Variants in ZMIZ1 observed in about 807,000 individuals in gnomAD.
ZMIZ1 encodes zinc finger MIZ-type containing 1, also known as zinc finger MIZ domain-containing protein 1.
Under a neutral mutation model 113.9 loss-of-function variants are expected in ZMIZ1, and 17 were observed. The observed-to-expected ratio is 0.15, with a 90% confidence interval of 0.10 to 0.22. The LOEUF (loss-of-function observed/expected upper bound fraction) is 0.22. ZMIZ1 is among the 10% of genes least tolerant of loss of function. ZMIZ1 has a pLI of 1.00. For synonymous variants in ZMIZ1, 607 were observed against 603.1 expected, an observed-to-expected ratio of 1.01 and a Z score of -0.09; for missense variants, 1,059 against 1,477.8, an observed-to-expected ratio of 0.72 and a Z score of 4.65.
chr10:79,098,834 C>T (rs145254708), intron 1 of ZMIZ1, among the ~76,000 whole-genome samples: 113 of 152,270 alleles, frequency 7.4e-4, no homozygotes, highest in African/African-American at 2.6e-3. Flanking sequence ...GTGAGGTCAC[C>T]GTCATTAGCA....
At chr10:79,140,983 C>T (rs567134687) in intron 3 of ZMIZ1, among the ~76,000 whole-genome samples, 9 of 152,102 alleles carry the variant, frequency 5.9e-5, no homozygotes, top group East Asian at 1.9e-4. Context: ...GGTCTCACTT[C>T]GTTGTCCGGG....
chr10:79,186,928 C>T (rs1833943408), intron 4 of ZMIZ1, among the ~76,000 whole-genome samples: 1 of 152,362 alleles, frequency 6.6e-6, no homozygotes, highest in South Asian at 2.1e-4. Flanking sequence ...ACTGCCCCTG[C>T]TGGAGGCCAT....
intron 7 of ZMIZ1, among the ~76,000 whole-genome samples, chr10:79,263,171 G>A (rs1589516292): frequency 6.6e-6 from 1 of 152,268 alleles, no homozygotes; most frequent in South Asian, 2.1e-4. Context: ...ATGCGCTCCT[G>A]AGCTTACAAC....
intron 5 of ZMIZ1, among the ~76,000 whole-genome samples, chr10:79,204,079 C>T (rs568052397): frequency 4.8e-4 from 73 of 152,342 alleles, no homozygotes; most frequent in Non-Finnish European, 8.5e-4. Flanking sequence ...AAGTCAGCCT[C>T]GGCTGGCTGG....
intron 2 of ZMIZ1, among the ~76,000 whole-genome samples, chr10:79,137,826 TGG>T (rs58837494): frequency 1.5e-5 from 2 of 135,832 alleles, no homozygotes; most frequent in Admixed American, 7.4e-5. Context: ...GGCCCTCGGC[TGG>T]GGGGGGGGTG....
rs746314274 is a variant in ZMIZ1 at position 79,299,167 on chromosome 10, C to T, written c.1784C>T (p.Thr595Met). ...VSNHVFHLRP[T>M]VHQTLMWRSD... ...AACCATGTGTTCCACCTGCGGCCCA[C>T]GGTCCACCAGACGCTGATGTGGAGG... The change falls in exon 16 of 25, where the codon ACG becomes ATG. Residue 595 changes from threonine (T) to methionine (M), a missense_variant. Coordinates refer to ENST00000334512, the MANE Select transcript of ZMIZ1 (RefSeq NM_020338.4). 70 of 1,607,786 alleles carry T rather than the reference C, an allele frequency of 4.4e-5. No homozygotes were observed. Among genetic ancestry groups the T allele is most frequent in the South Asian group, 5.5e-5 (5 of 91,020 alleles).
intron 3 of ZMIZ1, among the ~76,000 whole-genome samples, chr10:79,157,935 T>C (rs1476092859): frequency 6.6e-6 from 1 of 152,028 alleles, no homozygotes; most frequent in Non-Finnish European, 1.5e-5. Flanking sequence ...AGCAGCTGTT[T>C]GGCACATCTG....
intron 3 of ZMIZ1, among the ~76,000 whole-genome samples, chr10:79,157,947 A>C (rs571631380): frequency 4.0e-5 from 6 of 150,848 alleles, no homozygotes; most frequent in Admixed American, 4.0e-4. Context: ...GCACATCTGT[A>C]AAATGACAGT....
intron 7 of ZMIZ1, among the ~76,000 whole-genome samples, chr10:79,262,590 A>G (rs1018187607): frequency 1.3e-5 from 2 of 152,378 alleles, no homozygotes; most frequent in Admixed American, 1.3e-4. Flanking sequence ...GAACCATTTC[A>G]TCAGGTAAAG....
At chr10:79,247,622 ACCCCC>A (rs1023972320) in intron 7 of ZMIZ1, among the ~76,000 whole-genome samples, 1 of 151,636 alleles carries the variant, frequency 6.6e-6, no homozygotes, top group Admixed American at 6.6e-5. Flanking sequence ...AACTGCTCCC[ACCCCC>A]CGTAGGGTGA....
rs1477611645 is a variant in ZMIZ1 at position 79,207,034 on chromosome 10, C to T, written c.61-1302C>T. The stretch of plus-strand genomic sequence containing the variant: ...TATCCCCATTTTACAGATGAGGCTA[C>T]TGAGGCTCAGGGAGCTGAGGGGACC... On this transcript the variant is annotated intron_variant, in intron 5 of 24. Transcript: ENST00000334512. Among the ~76,000 whole-genome samples, 4 of 152,236 alleles carry T rather than the reference C, an allele frequency of 2.6e-5. No individual in the cohort carries two copies. The East Asian group carries it at 7.7e-4, about 29-fold the overall frequency.
Position 79,242,297 on chromosome 10 carries a change from C to G in ZMIZ1, c.280+26023C>G, listed in dbSNP as rs1470558287. On this transcript the variant is annotated intron_variant, in intron 7 of 24. Coordinates refer to ENST00000334512, the MANE Select transcript of ZMIZ1 (RefSeq NM_020338.4). ...CAGCTCCCGGGGCGGGGCAGGGCCG[C>G]GCGCAGCCGCCCCCGGCTTCCCTCC... is the stretch of plus-strand genomic sequence containing the variant. 1.3e-5 allele frequency among the ~76,000 whole-genome samples: 2 copies of G among 152,050 alleles called. 1 individual carries two copies.
intron 4 of ZMIZ1, among the ~76,000 whole-genome samples, chr10:79,170,968 G>A (rs950599798): frequency 6.6e-5 from 10 of 152,170 alleles, no homozygotes; most frequent in African/African-American, 2.2e-4. Flanking sequence ...GGACAGGTCC[G>A]AGGGGCTGCC....
chr10:79,161,592 T>C (rs1018477856), intron 3 of ZMIZ1, among the ~76,000 whole-genome samples: 2 of 152,194 alleles, frequency 1.3e-5, no homozygotes, highest in Non-Finnish European at 2.9e-5. Flanking sequence ...CTTGAGTCTC[T>C]GCTGTGTGGC....
intron 4 of ZMIZ1, among the ~76,000 whole-genome samples, chr10:79,174,979 CCT>C (rs1243309265): frequency 6.6e-6 from 1 of 152,222 alleles, no homozygotes; most frequent in Non-Finnish European, 1.5e-5. Flanking sequence ...TCCTCCCAGG[CCT>C]CTCTCTGAGC....
chr10:79,086,043 C>T (rs1157626864), intron 1 of ZMIZ1, among the ~76,000 whole-genome samples: 1 of 152,210 alleles, frequency 6.6e-6, no homozygotes, highest in Non-Finnish European at 1.5e-5. Context: ...CTGGGACTCT[C>T]CTTTGGAGTC....
intron 7 of ZMIZ1, among the ~76,000 whole-genome samples, chr10:79,265,450 ACTC>A (rs935488918): frequency 7.1e-6 from 1 of 141,124 alleles, no homozygotes; most frequent in African/African-American, 2.7e-5. Flanking sequence ...CCAGCAGACA[ACTC>A]CTTTTTTTTC....
chr10:79,096,400 T>C (rs540805607), intron 1 of ZMIZ1, among the ~76,000 whole-genome samples: 5 of 152,154 alleles, frequency 3.3e-5, no homozygotes, highest in African/African-American at 1.2e-4. Flanking sequence ...TGGTCCCAGC[T>C]ACTAGGGAGG....
chr10:79,226,810 G>A (rs567681147), intron 7 of ZMIZ1, among the ~76,000 whole-genome samples: 1 of 152,240 alleles, frequency 6.6e-6, no homozygotes, highest in South Asian at 2.1e-4. Flanking sequence ...ATGATGGTAC[G>A]GTTATCATCA....
Sources: gnomAD v4.1 joint callset for allele counts (sites outside exome capture counted in the v4.1 genomes callset) on GRCh38, gnomAD v4.1.1 for gene constraint, MANE v1.5 for transcripts, NCBI Gene and HGNC (gene_info 2026-07-23, HGNC 2026-07-21) for gene names.